The following SLC6A13 variants were observed in gnomAD, a reference collection of about 807,000 sequenced individuals.
The protein encoded by SLC6A13 is solute carrier family 6 member 13.
Under a neutral mutation model 72.9 loss-of-function variants are expected in SLC6A13, and 69 were observed. The ratio of observed to expected loss-of-function variants is 0.95; its 90% confidence interval spans 0.78 to 1.16. SLC6A13 has a LOEUF of 1.16. Ranked by LOEUF, SLC6A13 falls within the 50% of genes most tolerant of loss-of-function variation. SLC6A13 has a pLI of 0.00. For synonymous variants in SLC6A13, 303 were observed against 303.0 expected (o/e 1.00, Z 0.00); for missense variants, 735 against 760.5 (o/e 0.97, Z 0.39).
intron 2 of SLC6A13, chr12:259,427 G>T (rs1942856441): frequency 9.1e-7 from 1 of 1,101,948 alleles, no homozygotes; most frequent in Non-Finnish European, 1.1e-6. Flanking sequence ...GTCATCATCA[G>T]CAGAGCTACT....
intron 6 of SLC6A13, among the ~76,000 whole-genome samples, chr12:235,598 T>C (rs1192998127): frequency 2.0e-5 from 3 of 152,078 alleles, no homozygotes; most frequent in Admixed American, 1.3e-4. Flanking sequence ...ACTGTACAAA[T>C]TGATTGTAAA....
At chr12:235,548 T>C (rs1029998898) in intron 6 of SLC6A13, among the ~76,000 whole-genome samples, 3 of 152,196 alleles carry the variant, frequency 2.0e-5, no homozygotes, top group Non-Finnish European at 4.4e-5. Context: ...GCTGAGGATG[T>C]ACATCACCTC....
At chr12:222,225 G>C (rs1470143881) in intron 13 of SLC6A13, among the ~76,000 whole-genome samples, 1 of 152,220 alleles carries the variant, frequency 6.6e-6, no homozygotes. Context: ...GATTGCTGTG[G>C]TTATTAGCAT....
rs767155502 is a variant in SLC6A13 at position 242,606 on chromosome 12, G to A, written c.478+8C>T. On this transcript the variant is annotated splice_region_variant and intron_variant, in intron 4 of 14. Transcript: ENST00000343164. The stretch of plus-strand genomic sequence containing the variant: ...AGGAGGAAGTGGACCCTTGGGTGAG[G>A]ACCATACCTGTGTTCCACTCATGGT... 2 of 1,613,182 alleles carry A rather than the reference G, an allele frequency of 1.2e-6. No individual in the cohort carries two copies. Among genetic ancestry groups the A allele is most frequent in the South Asian group, 1.1e-5 (1 of 90,884 alleles).
At position 237,266 on chromosome 12, in the gene SLC6A13, A is replaced by G. The variant is rs149920040; in HGVS notation, c.588T>C (p.Asp196=). 2.4e-5 allele frequency: 38 copies of G among 1,614,062 alleles called. No individual in the cohort carries two copies. The Admixed American group carries it at 4.8e-4, about 21-fold the overall frequency. Residue 196 remains aspartate (D), a synonymous_variant, in exon 6 of 15, where the codon GAT becomes GAC. Transcript: ENST00000343164. ...GCAGGGCCCCCAGGTGCTGGATCCC[A>G]TCAGAGATCTTCAAGACCCGCCGCC... ...FWERRVLKIS[D]GIQHLGALRW... is the part of the protein sequence containing the mutation.
chr12:224,597 C>T, intron 9 of SLC6A13, 84 bp from the exon 10 acceptor site: 1 of 1,068,498 alleles, frequency 9.4e-7, no homozygotes, highest in East Asian at 2.5e-5. Flanking sequence ...AGCGTGGGGC[C>T]ACAGAATAAC....
intron 3 of SLC6A13, among the ~76,000 whole-genome samples, chr12:243,266 C>T (rs540534261): frequency 4.6e-5 from 7 of 152,300 alleles, no homozygotes; most frequent in East Asian, 3.9e-4. Flanking sequence ...CCACCTGCCT[C>T]GGCCTCCCAA....
intron 2 of SLC6A13, 136 bp from the exon 3 acceptor site, chr12:243,949 T>A (rs1942259431): frequency 4.1e-6 from 3 of 728,130 alleles, no homozygotes; most frequent in African/African-American, 1.8e-5. Context: ...AGGAGACAGC[T>A]GTCTAGATGT....
rs779439486 is a variant in SLC6A13, at chr12:224,432, A to C, written c.1142T>G (p.Phe381Cys). The C allele has an allele frequency of 3.7e-6, 6 of 1,614,164 alleles. No individual in the cohort carries two copies. In the East Asian group the frequency reaches 6.7e-5, roughly 18 times the overall value. ...FSPLWACCFFFMVVLLGLDSQ... is the reference protein window; with the variant it reads ...FSPLWACCFFCMVVLLGLDSQ... The stretch of plus-strand genomic sequence containing the variant: ...ATCCAGTCCCAGGAGAACGACCATG[A>C]AGAAGAAACAGCAGGCCCAGAGAGG... The change falls in exon 10 of 15, where the codon TTC becomes TGC. Residue 381 changes from phenylalanine to cysteine, a missense_variant. Phe to Cys is a radical substitution (Grantham distance 205). Transcript: ENST00000343164.
chr12:248,781 A>G (rs1333159753), intron 2 of SLC6A13, among the ~76,000 whole-genome samples: 1 of 152,220 alleles, frequency 6.6e-6, no homozygotes, highest in Non-Finnish European at 1.5e-5. Context: ...CCACCAGCTC[A>G]ACTTAGTTGA....
intron 2 of SLC6A13, among the ~76,000 whole-genome samples, chr12:255,660 C>G (rs1227628784): frequency 6.6e-6 from 1 of 152,240 alleles, no homozygotes; most frequent in Non-Finnish European, 1.5e-5. Flanking sequence ...TACGCCACTG[C>G]ACTCCAGCCT....
rs1446181233 is a variant in SLC6A13, at chr12:224,511, G to T, written c.1063C>A (p.Pro355Thr). Residue 355 changes from proline to threonine, a missense_variant and splice_region_variant, in exon 10 of 15, where the codon CCT becomes ACT. Pro to Thr is a conservative substitution (Grantham distance 38). Coordinates refer to ENST00000343164, the MANE Select transcript of SLC6A13 (RefSeq NM_016615.5). ...GGGTAAGCGATGAAAGCCAGGCCAG[G>T]GCCTACGACAAGGAGCAGAGGAACA... Reference protein sequence around the residue: ...VPISEVAESGPGLAFIAYPRA... With the variant: ...VPISEVAESGTGLAFIAYPRA... The T allele has an allele frequency of 1.2e-6, 2 of 1,613,596 alleles. No individual in the cohort carries two copies. Among genetic ancestry groups the T allele is most frequent in the African/African-American group, 2.7e-5 (2 of 74,940 alleles).
chr12:250,391 T>C (rs1414361437), intron 2 of SLC6A13, among the ~76,000 whole-genome samples: 1 of 147,198 alleles, frequency 6.8e-6, no homozygotes, highest in African/African-American at 2.6e-5. Context: ...TGAAAATCCT[T>C]TGGAATGCAC....
At chr12:246,343 T>A (rs942327095) in intron 2 of SLC6A13, among the ~76,000 whole-genome samples, 6 of 151,780 alleles carry the variant, frequency 4.0e-5, no homozygotes, top group East Asian at 1.9e-4. Context: ...ATAAATAAAT[T>A]ATCCAGCAAC....
At chr12:248,976 C>T (rs1236648438) in intron 2 of SLC6A13, among the ~76,000 whole-genome samples, 1 of 152,104 alleles carries the variant, frequency 6.6e-6, no homozygotes, top group Admixed American at 6.5e-5. Context: ...CAGAGAAAGA[C>T]ATTTGGAAAA....
intron 14 of SLC6A13, 148 bp from the exon 15 acceptor site, chr12:221,218 C>T (rs1183793031): frequency 3.4e-5 from 45 of 1,329,432 alleles, no homozygotes; most frequent in East Asian, 7.6e-5. Context: ...TGTGTCTTCC[C>T]GAGACTTCTC....
chr12:257,627 T>A (rs1426092464), intron 2 of SLC6A13, among the ~76,000 whole-genome samples: 1 of 152,086 alleles, frequency 6.6e-6, no homozygotes, highest in Non-Finnish European at 1.5e-5. Context: ...AGGACCCACG[T>A]GAATGACCAA....
At chr12:230,986 C>A (rs1941686086) in intron 7 of SLC6A13, among the ~76,000 whole-genome samples, 1 of 152,226 alleles carries the variant, frequency 6.6e-6, no homozygotes, top group Non-Finnish European at 1.5e-5. Context: ...TTTCAGCTTC[C>A]TCCCTAAACA....
intron 4 of SLC6A13, among the ~76,000 whole-genome samples, chr12:240,120 G>T (rs1942109860): frequency 6.6e-6 from 1 of 152,100 alleles, no homozygotes; most frequent in African/African-American, 2.4e-5. Context: ...CAGGCTGGTT[G>T]TCAAGGGTGG....
Sources: gnomAD v4.1 joint callset for allele counts (sites outside exome capture counted in the v4.1 genomes callset) on GRCh38, gnomAD v4.1.1 for gene constraint, MANE v1.5 for transcripts, NCBI Gene and HGNC (gene_info 2026-07-23, HGNC 2026-07-21) for gene names.